The following KLF12 variants were observed in gnomAD, a reference collection of about 807,000 sequenced individuals.
The protein encoded by KLF12 is KLF transcription factor 12.
In KLF12, 9 loss-of-function variants were observed where a neutral mutation model predicts 37.8. The ratio of observed to expected loss-of-function variants is 0.24; its 90% CI spans 0.14 to 0.42. KLF12 has a LOEUF of 0.42. Ranked by LOEUF, KLF12 falls within the 10% of genes least tolerant of loss-of-function variation. KLF12 has a pLI of 1.00. For synonymous variants in KLF12, 208 were observed against 202.1 expected, an observed-to-expected ratio of 1.03 and a Z score of -0.25; for missense variants, 411 against 516.0, an observed-to-expected ratio of 0.80 and a Z score of 1.97.
At chr13:74,186,247 C>A in the KLF12 span, among the ~76,000 whole-genome samples, 2 of 152,076 alleles carry the variant, frequency 1.3e-5, no homozygotes, top group South Asian at 4.1e-4. Context: ...TTAGCAACAG[C>A]TTCTCTTCCT....
intron 3 of KLF12, among the ~76,000 whole-genome samples, chr13:73,924,174 G>A (rs1023380102): frequency 1.3e-5 from 2 of 152,184 alleles, no homozygotes; most frequent in Non-Finnish European, 2.9e-5. Flanking sequence ...AGTACATAAC[G>A]AAGTATATTA....
the KLF12 span, among the ~76,000 whole-genome samples, chr13:74,178,540 A>AC: frequency 6.6e-6 from 1 of 152,210 alleles, no homozygotes; most frequent in Non-Finnish European, 1.5e-5. Flanking sequence ...TCTTAGAAAC[A>AC]CCAGAGGAGT....
At chr13:73,925,236 G>A (rs771417288) in intron 3 of KLF12, among the ~76,000 whole-genome samples, 6 of 152,220 alleles carry the variant, frequency 3.9e-5, no homozygotes, top group Non-Finnish European at 5.9e-5. Context: ...GACTTGCATA[G>A]CAAGAGAGGA....
chr13:74,300,281 T>G, the KLF12 span, among the ~76,000 whole-genome samples: 1 of 152,222 alleles, frequency 6.6e-6, no homozygotes, highest in Admixed American at 6.5e-5. Flanking sequence ...GACTCATACA[T>G]CTATCTCTAT....
chr13:74,006,514 A>G (rs1157967954), intron 1 of KLF12, among the ~76,000 whole-genome samples: 1 of 152,198 alleles, frequency 6.6e-6, no homozygotes, highest in African/African-American at 2.4e-5. Flanking sequence ...AAATCAAAAT[A>G]CATTTATCAT....
intron 6 of KLF12, among the ~76,000 whole-genome samples, chr13:73,743,016 C>T (rs1182087940): frequency 3.9e-5 from 4 of 102,916 alleles, no homozygotes; most frequent in Admixed American, 3.5e-4. Flanking sequence ...GTGTTCTCTT[C>T]GGGATTAAAA....
intron 6 of KLF12, among the ~76,000 whole-genome samples, chr13:73,739,607 T>G (rs959749325): frequency 1.3e-5 from 2 of 151,518 alleles, no homozygotes; most frequent in Non-Finnish European, 2.9e-5. Context: ...GAAATGAGCA[T>G]GCCCATGTAT....
At chr13:74,278,981 A>G in the KLF12 span, among the ~76,000 whole-genome samples, 10 of 152,306 alleles carry the variant, frequency 6.6e-5, no homozygotes, top group South Asian at 1.9e-3. Flanking sequence ...TACTTTTGCC[A>G]GGAAGAGGTA....
chr13:73,839,022 C>G (rs912972376), intron 4 of KLF12, among the ~76,000 whole-genome samples: 2 of 151,956 alleles, frequency 1.3e-5, no homozygotes, highest in Admixed American at 1.3e-4. Flanking sequence ...GTTACTGGCT[C>G]AGGTATAGAA....
intron 1 of KLF12, among the ~76,000 whole-genome samples, chr13:74,112,470 T>G (rs563993395): frequency 7.9e-5 from 12 of 152,016 alleles, no homozygotes; most frequent in Non-Finnish European, 1.8e-4. Flanking sequence ...CAATGTTGAG[T>G]CGAGCATGTC....
intron 5 of KLF12, among the ~76,000 whole-genome samples, chr13:73,806,401 TTTC>T (rs1882631654): frequency 6.6e-6 from 1 of 152,002 alleles, no homozygotes; most frequent in South Asian, 2.1e-4. Context: ...GTGCCCAACT[TTTC>T]TTCTTTTTTT....
At chr13:74,076,033 A>C (rs895466702) in intron 1 of KLF12, among the ~76,000 whole-genome samples, 9 of 152,340 alleles carry the variant, frequency 5.9e-5, no homozygotes, top group African/African-American at 2.2e-4. Context: ...GAATACCACT[A>C]CTTTAAAAGT....
At chr13:73,884,818 G>A (rs1039783972) in intron 3 of KLF12, among the ~76,000 whole-genome samples, 1 of 152,140 alleles carries the variant, frequency 6.6e-6, no homozygotes, top group Non-Finnish European at 1.5e-5. Context: ...TTATATGGTC[G>A]AGGCCATCTT....
At chr13:73,894,911 G>T (rs1887689187) in intron 3 of KLF12, among the ~76,000 whole-genome samples, 1 of 152,176 alleles carries the variant, frequency 6.6e-6, no homozygotes, top group Non-Finnish European at 1.5e-5. Context: ...GGATTATAGA[G>T]TAATAGTTCT....
rs535744068 is a variant in KLF12, at chr13:73,755,260, A to C, written c.869+9678T>G. Among the ~76,000 whole-genome samples, 141 of 152,340 alleles carry C rather than the reference A, an allele frequency of 9.3e-4. 3 individuals are homozygous for C. The highest frequency in any genetic ancestry group is 1.5e-4 in the Non-Finnish European group (10 of 68,028). ...GGAATGGAAAAAGAGATGGAATTGG[A>C]GAGATTTCTATTTTACAAAAATATC... On this transcript the variant is annotated intron_variant, in intron 6 of 7. Coordinates refer to ENST00000377669, the MANE Select transcript of KLF12 (RefSeq NM_007249.5).
At chr13:73,800,258 T>C (rs1327464287) in intron 5 of KLF12, 1 of 152,060 alleles carries the variant, frequency 6.6e-6, no homozygotes, top group Non-Finnish European at 1.5e-5. Flanking sequence ...ACCCTAGTAA[T>C]AAGGATTTAC....
chr13:73,905,223 C>G (rs143172966), intron 3 of KLF12, among the ~76,000 whole-genome samples: 24 of 152,246 alleles, frequency 1.6e-4, no homozygotes, highest in African/African-American at 5.5e-4. Flanking sequence ...CAAATTTAAC[C>G]TGCAGTTTAC....
chr13:73,959,039 C>T (rs773919970), intron 2 of KLF12, among the ~76,000 whole-genome samples: 8 of 143,644 alleles, frequency 5.6e-5, no homozygotes, highest in Non-Finnish European at 1.1e-4. Flanking sequence ...GACCCCTTAA[C>T]ATCTCCAACT....
intron 3 of KLF12, among the ~76,000 whole-genome samples, chr13:73,912,641 T>C (rs1172188800): frequency 2.6e-5 from 4 of 152,180 alleles, no homozygotes; most frequent in African/African-American, 7.2e-5. Flanking sequence ...CATGTCCCTG[T>C]TGACATGATA....
Sources: gnomAD v4.1 joint callset for allele counts (sites outside exome capture counted in the v4.1 genomes callset) on GRCh38, gnomAD v4.1.1 for gene constraint, MANE v1.5 for transcripts, NCBI Gene and HGNC (gene_info 2026-07-23, HGNC 2026-07-21) for gene names.